Variants in SLIT3 observed in about 807,000 individuals in gnomAD.
SLIT3 encodes slit homolog 3 protein.
SLIT3 carries 68 observed loss-of-function variants against 184.0 expected under a neutral mutation model. That is an observed-to-expected ratio of 0.37 (90% CI 0.30 to 0.45). SLIT3 has a LOEUF of 0.45. SLIT3 is among the 20% of genes least tolerant of loss of function. SLIT3 has a pLI of 1.00. For synonymous variants in SLIT3, 831 were observed against 828.6 expected, an observed-to-expected ratio of 1.00 and a Z score of -0.05; for missense variants, 1,707 against 2,026.0, an observed-to-expected ratio of 0.84 and a Z score of 3.02.
Position 169,245,612 on chromosome 5 carries a change from C to T in SLIT3, c.270-836G>A, listed in dbSNP as rs61657864. Among the ~76,000 whole-genome samples the T allele has an allele frequency of 7.1e-3, 1,087 of 152,132 alleles. 8 individuals carry two copies. Among genetic ancestry groups the T allele is most frequent in the African/African-American group, 0.022 (921 of 41,484 alleles). ...GGCTGAATGGGACTTAACGGGGATG[C>T]AATTGTGATTGGAGAATGTTTCTTT... On this transcript the variant is annotated intron_variant, in intron 2 of 35. Coordinates refer to ENST00000519560, the MANE Select transcript of SLIT3 (RefSeq NM_003062.4).
intron 3 of SLIT3, among the ~76,000 whole-genome samples, chr5:169,201,582 T>C (rs565291390): frequency 2.0e-5 from 3 of 152,330 alleles, no homozygotes; most frequent in Admixed American, 6.5e-5. Context: ...CCTTCATAGA[T>C]GACTATATCA....
chr5:169,029,229 T>C (rs1233622672), intron 4 of SLIT3, among the ~76,000 whole-genome samples: 1 of 152,272 alleles, frequency 6.6e-6, no homozygotes, highest in African/African-American at 2.4e-5. Flanking sequence ...TGTTGAATTC[T>C]GAGTGATTGC....
chr5:168,670,450 G>C (rs1376797145), intron 34 of SLIT3, among the ~76,000 whole-genome samples: 1 of 152,190 alleles, frequency 6.6e-6, no homozygotes, highest in East Asian at 1.9e-4. Context: ...CTTGTCTGCT[G>C]CTCCTATGCA....
chr5:168,762,765 G>A, intron 14 of SLIT3, 76 bp from the exon 15 acceptor site: 1 of 1,483,922 alleles, frequency 6.7e-7, no homozygotes, highest in Admixed American at 1.7e-5. Context: ...TAGTGGGGGT[G>A]GGAGACAGAG....
intron 4 of SLIT3, among the ~76,000 whole-genome samples, chr5:169,047,122 C>T (rs545398057): frequency 1.4e-4 from 22 of 152,234 alleles, no homozygotes; most frequent in African/African-American, 4.3e-4. Flanking sequence ...AACATACTTC[C>T]CCACCTGGAT....
chr5:168,797,321 T>G, intron 9 of SLIT3, among the ~76,000 whole-genome samples: 1 of 152,178 alleles, frequency 6.6e-6, no homozygotes, highest in Non-Finnish European at 1.5e-5. Flanking sequence ...AGTCAGGTGG[T>G]GCGTGCTCTC....
chr5:169,189,527 GATATATATATATATATATATAT>G lies in SLIT3; in HGVS notation c.413+3930_413+3951del, dbSNP rs4042723. ...ACAGTACTGCTTCTTAGATAGATGG[GATATATATATATATATATATAT>G]ATATATATATATATATATATATATA... is the stretch of plus-strand genomic sequence containing the variant. On this transcript the variant is annotated intron_variant, in intron 4 of 35. Transcript: ENST00000519560. Among the ~76,000 whole-genome samples the G allele has an allele frequency of 6.4e-3, 514 of 80,306 alleles. 13 individuals carry two copies. The highest frequency in any genetic ancestry group is 0.038 in the Middle Eastern group (4 of 106). The allele number at this position is 80,306 out of a possible 152,430, so 52.7% of individuals were successfully genotyped here. A position where few individuals can be genotyped will look rare whatever the true frequency, so the allele number is the denominator to read the frequency against.
chr5:169,031,054 C>T (rs1479687627), intron 4 of SLIT3, among the ~76,000 whole-genome samples: 1 of 152,174 alleles, frequency 6.6e-6, no homozygotes, highest in Admixed American at 6.5e-5. Context: ...CTGACAGGTC[C>T]TCATTTCCTG....
At chr5:168,773,665 G>A (rs1444745800) in intron 13 of SLIT3, among the ~76,000 whole-genome samples, 1 of 152,142 alleles carries the variant, frequency 6.6e-6, no homozygotes, top group Non-Finnish European at 1.5e-5. Context: ...GCTGAAATCT[G>A]TACTTGGAGG....
At chr5:168,847,120 C>T (rs150400424) in intron 5 of SLIT3, among the ~76,000 whole-genome samples, 26 of 152,272 alleles carry the variant, frequency 1.7e-4, no homozygotes, top group African/African-American at 4.6e-4. Context: ...TTACTAATTA[C>T]GTGACGTTTA....
At chr5:168,771,352 T>A (rs1057064670) in intron 14 of SLIT3, among the ~76,000 whole-genome samples, 1 of 152,142 alleles carries the variant, frequency 6.6e-6, no homozygotes, top group Non-Finnish European at 1.5e-5. Flanking sequence ...AAGCAGCTGA[T>A]TGTCATCCCC....
At chr5:169,079,307 G>A (rs1003124546) in intron 4 of SLIT3, among the ~76,000 whole-genome samples, 1 of 152,038 alleles carries the variant, frequency 6.6e-6, no homozygotes, top group Non-Finnish European at 1.5e-5. Flanking sequence ...GCTCTCTTTT[G>A]TTTTCAGATC....
chr5:169,187,818 T>C (rs1043504368), intron 4 of SLIT3, among the ~76,000 whole-genome samples: 103 of 151,772 alleles, frequency 6.8e-4, no homozygotes, highest in Non-Finnish European at 3.5e-4. Flanking sequence ...CTTCCCAAAG[T>C]GTTGGGATTA....
chr5:168,843,565 C>T (rs780404318), intron 6 of SLIT3, among the ~76,000 whole-genome samples: 1 of 152,086 alleles, frequency 6.6e-6, no homozygotes, highest in Non-Finnish European at 1.5e-5. Context: ...AGCAACCAAC[C>T]CTTTCATTTT....
At chr5:168,799,396 A>G (rs1191090310) in intron 9 of SLIT3, among the ~76,000 whole-genome samples, 1 of 152,216 alleles carries the variant, frequency 6.6e-6, no homozygotes, top group Non-Finnish European at 1.5e-5. Flanking sequence ...GATTTAATAG[A>G]ACTAGCATAA....
intron 4 of SLIT3, among the ~76,000 whole-genome samples, chr5:169,004,497 G>T (rs1303003014): frequency 6.6e-6 from 1 of 152,210 alleles, no homozygotes; most frequent in Non-Finnish European, 1.5e-5. Context: ...CAAGCGCTGA[G>T]TATGATACTG....
At chr5:168,770,331 C>T (rs1305042891) in intron 14 of SLIT3, among the ~76,000 whole-genome samples, 1 of 152,194 alleles carries the variant, frequency 6.6e-6, no homozygotes, top group African/African-American at 2.4e-5. Flanking sequence ...CTCCTAATTA[C>T]ATCAGCTGTC....
chr5:168,899,079 G>T (rs1207427946), intron 4 of SLIT3, among the ~76,000 whole-genome samples: 1 of 81,200 alleles, frequency 1.2e-5, no homozygotes, highest in Admixed American at 1.2e-4. Context: ...AAAAATTCTG[G>T]CTTCTCTTTT....
At chr5:169,121,565 T>C (rs960543121) in intron 4 of SLIT3, among the ~76,000 whole-genome samples, 1 of 152,226 alleles carries the variant, frequency 6.6e-6, no homozygotes, top group African/African-American at 2.4e-5. Context: ...CATTCCGATA[T>C]TCCTGGTTGC....
Sources: allele counts gnomAD v4.1 joint callset (sites outside exome capture counted in the v4.1 genomes callset), GRCh38; gene constraint gnomAD v4.1.1; transcripts MANE v1.5; gene names NCBI Gene and HGNC (gene_info 2026-07-23, HGNC 2026-07-21).